Variants in ASH1L observed in about 807,000 individuals in gnomAD.
The protein encoded by ASH1L is histone-lysine N-methyltransferase ASH1L.
In ASH1L, 23 loss-of-function variants were observed where a neutral mutation model predicts 269.0. The ratio of observed to expected loss-of-function variants is 0.09; its 90% CI spans 0.06 to 0.12. The LOEUF (loss-of-function observed/expected upper bound fraction) is 0.12. Ranked by LOEUF, ASH1L falls within the 10% of genes least tolerant of loss-of-function variation. The pLI is 1.00. For synonymous variants in ASH1L, 1,187 were observed against 1,253.5 expected (o/e 0.95, Z 1.12); for missense variants, 2,912 against 3,567.8 (o/e 0.82, Z 4.68).
chr1:155,437,066 C>T (rs936479626), intron 5 of ASH1L, among the ~76,000 whole-genome samples: 9 of 152,262 alleles, frequency 5.9e-5, no homozygotes, highest in South Asian at 2.1e-4. Context: ...TACTACCATA[C>T]GGTTTTGATT....
chr1:155,394,523 TGA>T (rs1195003389), intron 7 of ASH1L, among the ~76,000 whole-genome samples: 1 of 152,154 alleles, frequency 6.6e-6, no homozygotes, highest in East Asian at 1.9e-4. Flanking sequence ...GTCACAGACT[TGA>T]GAGATAGCAA....
intron 2 of ASH1L, among the ~76,000 whole-genome samples, chr1:155,489,855 A>G (rs1006661471): frequency 3.4e-5 from 5 of 148,330 alleles, no homozygotes; most frequent in African/African-American, 7.3e-5. Context: ...GTAAACATCC[A>G]ATTGCATTTT....
intron 1 of ASH1L, among the ~76,000 whole-genome samples, chr1:155,560,826 C>T (rs1200387047): frequency 6.6e-6 from 1 of 152,216 alleles, no homozygotes; most frequent in Non-Finnish European, 1.5e-5. Context: ...CTGCTTCCTC[C>T]ATAAATCCAA....
chr1:155,418,431 T>C (rs1009157360), intron 5 of ASH1L, among the ~76,000 whole-genome samples: 1 of 151,630 alleles, frequency 6.6e-6, no homozygotes, highest in African/African-American at 2.4e-5. Context: ...AAGACAGCAA[T>C]AGAAACAACA....
intron 2 of ASH1L, among the ~76,000 whole-genome samples, chr1:155,490,223 C>A (rs1438058798): frequency 1.3e-5 from 2 of 151,990 alleles, no homozygotes; most frequent in Admixed American, 6.6e-5. Flanking sequence ...CTCGGCCTCC[C>A]AAAGTGCTGG....
chr1:155,551,903 G>A (rs1436304110), intron 1 of ASH1L, among the ~76,000 whole-genome samples: 1 of 151,502 alleles, frequency 6.6e-6, no homozygotes, highest in Non-Finnish European at 1.5e-5. Context: ...TTGAACCTGG[G>A]AGGCAGAGAT....
In ASH1L at chr1:155,395,567, A is replaced by G; in HGVS notation, c.6009-14T>C. 12 of 1,597,402 alleles carry G rather than the reference A, an allele frequency of 7.5e-6. No individual in the cohort carries two copies. The highest frequency in any genetic ancestry group is 1.0e-5 in the Non-Finnish European group (12 of 1,171,562). ...CGACTCTTTGGGCTGTGATAAAAAAAGAATGGGAAACAGTCAAGAGGCAAA... is the reference window on the plus strand; with the variant it reads ...CGACTCTTTGGGCTGTGATAAAAAAGGAATGGGAAACAGTCAAGAGGCAAA... On this transcript the variant is annotated splice_polypyrimidine_tract_variant and intron_variant, in intron 6 of 27. Transcript: ENST00000392403.
At chr1:155,408,889 A>T (rs1328232116) in intron 6 of ASH1L, among the ~76,000 whole-genome samples, 3 of 152,052 alleles carry the variant, frequency 2.0e-5, no homozygotes, top group Admixed American at 2.0e-4. Context: ...AAAAAAATTC[A>T]TGAGTCTATA....
At chr1:155,417,228 C>T (rs1660292030) in intron 5 of ASH1L, among the ~76,000 whole-genome samples, 1 of 151,886 alleles carries the variant, frequency 6.6e-6, no homozygotes, top group South Asian at 2.1e-4. Flanking sequence ...AGCCATCACG[C>T]CCAGCCTCCA....
intron 7 of ASH1L, among the ~76,000 whole-genome samples, chr1:155,380,492 T>A (rs1656839293): frequency 6.6e-6 from 1 of 152,118 alleles, no homozygotes; most frequent in African/African-American, 2.4e-5. Flanking sequence ...AAGGAGAAAT[T>A]CTTGTGTTTA....
Position 155,433,987 on chromosome 1 carries a change from C to T in ASH1L, c.5828+4340G>A, listed in dbSNP as rs190914307. ...GCCACATCGCCCAGCAGCTTGGGCT[C>T]GAGAAGGATGTGGTCCGAGTGTGGT... is the stretch of plus-strand genomic sequence containing the variant. On this transcript the variant is annotated intron_variant, in intron 5 of 27. Coordinates refer to ENST00000392403, the MANE Select transcript of ASH1L (RefSeq NM_018489.3). 5.9e-4 allele frequency: 928 copies of T among 1,584,220 alleles called. 4 individuals are homozygous for T. In the African/African-American group the frequency reaches 0.011, roughly 19 times the overall value.
intron 12 of ASH1L, among the ~76,000 whole-genome samples, chr1:155,361,970 C>T (rs1558032305): frequency 6.6e-6 from 1 of 151,602 alleles, no homozygotes; most frequent in Admixed American, 6.6e-5. Flanking sequence ...CTACCAATCT[C>T]TATCACATGA....
At chr1:155,392,941 G>A (rs1658057785) in intron 7 of ASH1L, among the ~76,000 whole-genome samples, 1 of 151,756 alleles carries the variant, frequency 6.6e-6, no homozygotes, top group African/African-American at 2.4e-5. Flanking sequence ...GCCCACCTCA[G>A]CCTCCCAAAG....
chr1:155,391,070 T>A (rs1210960110), intron 7 of ASH1L, among the ~76,000 whole-genome samples: 2 of 151,994 alleles, frequency 1.3e-5, no homozygotes, highest in Admixed American at 6.6e-5. Context: ...CTCAGCCTCC[T>A]GAGTAGCTGG....
intron 2 of ASH1L, among the ~76,000 whole-genome samples, chr1:155,488,502 CAAAAAAAAA>C (rs368511587): frequency 4.8e-5 from 2 of 41,306 alleles, no homozygotes; most frequent in African/African-American, 7.2e-5. Context: ...ACTAAAAATA[CAAAAAAAAA>C]AAAAAAAAAA....
At chr1:155,365,213 G>GT (rs565113102) in intron 12 of ASH1L, among the ~76,000 whole-genome samples, 26 of 150,014 alleles carry the variant, frequency 1.7e-4, no homozygotes, top group South Asian at 2.1e-4. Flanking sequence ...TGACAGCTTT[G>GT]TTTTTTTTTG....
intron 10 of ASH1L, among the ~76,000 whole-genome samples, chr1:155,376,450 A>C (rs1401644294): frequency 1.3e-5 from 2 of 152,250 alleles, no homozygotes; most frequent in Non-Finnish European, 2.9e-5. Context: ...TTACTAAAAC[A>C]ACAAATTCTA....
Position 155,532,594 on chromosome 1 carries a change from G to A in ASH1L, c.-99-10976C>T, listed in dbSNP as rs935416291. On this transcript the variant is annotated intron_variant, in intron 1 of 27. Transcript: ENST00000392403. ...TCCCAGCACTTTGGGAGGCTGAGGC[G>A]AGTGGATCACCTGAGGTCAGGAGTT... Among the ~76,000 whole-genome samples the A allele has an allele frequency of 5.3e-5, 8 of 151,966 alleles. No homozygotes were observed. In the East Asian group the frequency reaches 1.5e-3, roughly 29 times the overall value.
At chr1:155,383,978 A>G (rs928820461) in intron 7 of ASH1L, among the ~76,000 whole-genome samples, 5 of 152,214 alleles carry the variant, frequency 3.3e-5, no homozygotes, top group African/African-American at 1.2e-4. Context: ...ATCAAAAACT[A>G]TAGTCTATTT....
Sources: gnomAD v4.1 joint callset for allele counts (sites outside exome capture counted in the v4.1 genomes callset) on GRCh38, gnomAD v4.1.1 for gene constraint, MANE v1.5 for transcripts, NCBI Gene and HGNC (gene_info 2026-07-23, HGNC 2026-07-21) for gene names.